Variants in GLIS3 observed in about 807,000 individuals in gnomAD.
GLIS3 encodes GLIS family zinc finger 3.
A neutral mutation model predicts 78.6 loss-of-function variants in GLIS3; 53 were observed. The ratio of observed to expected loss-of-function variants is 0.67; its 90% CI spans 0.54 to 0.85. GLIS3 has a LOEUF of 0.85. Ranked by LOEUF, GLIS3 falls within the 40% of genes least tolerant of loss-of-function variation. The pLI, the probability that GLIS3 is intolerant of heterozygous loss-of-function variation, is 0.00. For synonymous variants in GLIS3, 684 were observed against 509.9 expected, an observed-to-expected ratio of 1.34 and a Z score of -4.60; for missense variants, 1,703 against 1,231.1, an observed-to-expected ratio of 1.38 and a Z score of -5.74.
At chr9:4,377,762 C>T in the GLIS3 span, among the ~76,000 whole-genome samples, 1 of 152,126 alleles carries the variant, frequency 6.6e-6, no homozygotes, top group African/African-American at 2.4e-5. Context: ...TTAGACAAAG[C>T]TAGCAATAAT....
At chr9:3,938,128 G>A (rs922344984) in intron 4 of GLIS3, among the ~76,000 whole-genome samples, 2 of 152,154 alleles carry the variant, frequency 1.3e-5, no homozygotes, top group African/African-American at 4.8e-5. Context: ...AAGGTGAGAT[G>A]GGGATTTATC....
intron 9 of GLIS3, among the ~76,000 whole-genome samples, chr9:3,835,648 T>C (rs1226071365): frequency 6.6e-6 from 1 of 152,230 alleles, no homozygotes; most frequent in African/African-American, 2.4e-5. Context: ...ATGAGGGTGT[T>C]AACAGTATCT....
the GLIS3 span, among the ~76,000 whole-genome samples, chr9:4,379,997 C>G: frequency 6.6e-6 from 1 of 152,026 alleles, no homozygotes; most frequent in Admixed American, 6.6e-5. Flanking sequence ...CCAATCTTGG[C>G]TTTGCAAGTA....
intron 2 of GLIS3, among the ~76,000 whole-genome samples, chr9:4,233,347 G>A (rs1308788411): frequency 6.6e-6 from 1 of 152,198 alleles, no homozygotes; most frequent in East Asian, 1.9e-4. Flanking sequence ...CAAACTGAAA[G>A]TTGAAATTAC....
chr9:3,935,074 T>G (rs1452757623), intron 5 of GLIS3, among the ~76,000 whole-genome samples: 1 of 152,182 alleles, frequency 6.6e-6, no homozygotes, highest in Non-Finnish European at 1.5e-5. Flanking sequence ...AAATAAGGAA[T>G]CCACTTAGTT....
chr9:4,341,287 G>A (rs577789670), intron 2 of GLIS3, among the ~76,000 whole-genome samples: 1 of 152,300 alleles, frequency 6.6e-6, no homozygotes, highest in South Asian at 2.1e-4. Flanking sequence ...CTCCTGGCTT[G>A]CACTCACACG....
intron 2 of GLIS3, among the ~76,000 whole-genome samples, chr9:4,326,210 A>G (rs535834138): frequency 3.9e-5 from 6 of 152,242 alleles, no homozygotes; most frequent in Non-Finnish European, 8.8e-5. Flanking sequence ...AACTTAAAAT[A>G]AAAGTTGAAG....
At chr9:4,188,747 G>T (rs7160388) in intron 2 of GLIS3, among the ~76,000 whole-genome samples, 28,557 of 151,956 alleles carry the variant, frequency 0.19, 3,541 homozygotes, top group African/African-American at 0.36. Context: ...GTCGAGGAAT[G>T]TATCCATTTC....
At chr9:4,102,740 A>G (rs937302736) in intron 4 of GLIS3, among the ~76,000 whole-genome samples, 2 of 152,220 alleles carry the variant, frequency 1.3e-5, no homozygotes, top group Non-Finnish European at 2.9e-5. Flanking sequence ...TCCCTAAGAC[A>G]CAGTCTTAAA....
At chr9:4,399,675 G>T in the GLIS3 span, among the ~76,000 whole-genome samples, 6 of 152,098 alleles carry the variant, frequency 3.9e-5, no homozygotes, top group African/African-American at 1.4e-4. Context: ...TCAAGACTTT[G>T]TCCCTTTCCT....
rs763790289 is a variant in GLIS3, at chr9:4,118,693, C to T, written c.785G>A (p.Ser262Asn). 1.9e-6 allele frequency: 3 copies of T among 1,613,962 alleles called. No homozygotes were observed. Among genetic ancestry groups the T allele is most frequent in the Admixed American group, 1.7e-5 (1 of 59,992 alleles). ...TGGTAATGAGTTAGAGACACTATTG[C>T]TGGACATGGATGTCCCGGGAGGAAG... ...LSLPPGTSMS[S>N]NSVSNSLPSY... The change falls in exon 4 of 11, where the codon AGC (serine) becomes AAC (asparagine). Residue 262 changes from serine to asparagine, a missense_variant. Transcript: ENST00000381971. The surrounding 1 kb of genome is among the most constrained non-coding windows in gnomAD (Gnocchi z 4.7).
chr9:3,935,845 C>T (rs1327897581), intron 5 of GLIS3, among the ~76,000 whole-genome samples: 1 of 152,170 alleles, frequency 6.6e-6, no homozygotes, highest in African/African-American at 2.4e-5. Context: ...GTCCATCCTA[C>T]ACCCATGTTG....
chr9:4,220,617 G>A (rs1291765915), intron 2 of GLIS3, among the ~76,000 whole-genome samples: 1 of 152,054 alleles, frequency 6.6e-6, no homozygotes, highest in Admixed American at 6.5e-5. Context: ...GTCAAACTGG[G>A]CATACTGAGG....
chr9:4,021,127 G>A (rs1822850443), intron 4 of GLIS3, among the ~76,000 whole-genome samples: 1 of 151,948 alleles, frequency 6.6e-6, no homozygotes, highest in Non-Finnish European at 1.5e-5. Context: ...CATACAAAGT[G>A]TATATACTAT....
chr9:4,019,493 G>A (rs1164593689), intron 4 of GLIS3, among the ~76,000 whole-genome samples: 1 of 152,168 alleles, frequency 6.6e-6, no homozygotes, highest in Non-Finnish European at 1.5e-5. Flanking sequence ...TGCCTACTAT[G>A]TGCCACTTGC....
intron 4 of GLIS3, among the ~76,000 whole-genome samples, chr9:4,063,528 C>A (rs1239313096): frequency 6.6e-6 from 1 of 151,522 alleles, no homozygotes; most frequent in Non-Finnish European, 1.5e-5. Context: ...GCTTTTAAAG[C>A]CCTTGGTAAG....
chr9:4,252,200 T>C (rs1490286968), intron 2 of GLIS3, among the ~76,000 whole-genome samples: 1 of 152,214 alleles, frequency 6.6e-6, no homozygotes, highest in Non-Finnish European at 1.5e-5. Flanking sequence ...TGAGGAGTGT[T>C]TTAAAGCTTG....
chr9:4,470,751 C>G, the GLIS3 span, among the ~76,000 whole-genome samples: 1 of 151,872 alleles, frequency 6.6e-6, no homozygotes, highest in Non-Finnish European at 1.5e-5. Flanking sequence ...AAGTTCTGGC[C>G]AGGGCAATAA....
At position 3,856,260 on chromosome 9, in the gene GLIS3, T is replaced by C. The variant is rs1423800663; in HGVS notation, c.2298-76A>G. The C allele has an allele frequency of 3.8e-6, 5 of 1,300,548 alleles. No homozygotes were observed. In the African/African-American group the frequency reaches 5.9e-5, roughly 15 times the overall value. 80.6% of individuals were successfully genotyped at this position (1,300,548 alleles called of 1,614,324 possible). On this transcript the variant is annotated intron_variant, in intron 8 of 10. Coordinates refer to ENST00000381971, the MANE Select transcript of GLIS3 (RefSeq NM_001042413.2). ...CAAAGACAAACTCTCCAAAGCCAAA[T>C]TCTCACCTCCCATTCTGGCTATACA...
Sources: allele counts gnomAD v4.1 joint callset (sites outside exome capture counted in the v4.1 genomes callset), GRCh38; gene constraint gnomAD v4.1.1; non-coding constraint Gnocchi (gnomAD v3.1); transcripts MANE v1.5; gene names NCBI Gene and HGNC (gene_info 2026-07-23, HGNC 2026-07-21).